Variants in FAM120A observed in about 807,000 individuals in gnomAD.
FAM120A encodes family with sequence similarity 120 member A, also known as constitutive coactivator of PPAR-gamma-like protein 1.
A neutral mutation model predicts 109.7 loss-of-function variants in FAM120A; 15 were observed. The observed-to-expected ratio is 0.14, with a 90% confidence interval of 0.09 to 0.21. The LOEUF is 0.21. Ranked by LOEUF, FAM120A falls within the 10% of genes least tolerant of loss-of-function variation. FAM120A has a pLI of 1.00. For missense variants in FAM120A, 899 were observed against 1,439.3 expected (o/e 0.62, Z 6.07); for synonymous variants, 493 against 572.8 (o/e 0.86, Z 1.99).
chr9:93,545,701 A>G (rs578193097), intron 11 of FAM120A, among the ~76,000 whole-genome samples: 7 of 151,640 alleles, frequency 4.6e-5, no homozygotes, highest in Non-Finnish European at 1.0e-4. Context: ...GGAAGATTCA[A>G]TTAAATGGAG....
At chr9:93,557,092 C>T (rs1862307448) in intron 13 of FAM120A, among the ~76,000 whole-genome samples, 1 of 151,546 alleles carries the variant, frequency 6.6e-6, no homozygotes. Context: ...TTCAGCACTA[C>T]ACTTGGAGAC....
At chr9:93,562,665 CTTTTTTTTT>C (rs535421624) in intron 17 of FAM120A, among the ~76,000 whole-genome samples, 2 of 134,990 alleles carry the variant, frequency 1.5e-5, no homozygotes, top group South Asian at 2.3e-4. Context: ...CTTTCTTTTT[CTTTTTTTTT>C]TTTTTTTTGA....
At chr9:93,481,731 CT>C (rs1255273317) in intron 3 of FAM120A, among the ~76,000 whole-genome samples, 1 of 152,182 alleles carries the variant, frequency 6.6e-6, no homozygotes, top group Non-Finnish European at 1.5e-5. Context: ...AGCAGTTCTA[CT>C]TTCTAGTTAG....
chr9:93,455,726 G>C (rs1249594958), intron 1 of FAM120A, among the ~76,000 whole-genome samples: 1 of 151,668 alleles, frequency 6.6e-6, no homozygotes, highest in East Asian at 1.9e-4. Flanking sequence ...GCAGTGGCGC[G>C]ATCTCGGCTC....
intron 1 of FAM120A, among the ~76,000 whole-genome samples, chr9:93,465,798 C>T (rs1354327504): frequency 2.6e-5 from 4 of 152,068 alleles, no homozygotes; most frequent in East Asian, 3.8e-4. Flanking sequence ...TTTTCTGTTC[C>T]GGGACCCTGG....
chr9:93,553,375 A>G (rs542329272), intron 12 of FAM120A, among the ~76,000 whole-genome samples: 1 of 152,372 alleles, frequency 6.6e-6, no homozygotes, highest in South Asian at 2.1e-4. Flanking sequence ...TGGAAAATGA[A>G]GAGCTTTAAA....
chr9:93,486,848 T>A (rs1293618308), intron 3 of FAM120A, among the ~76,000 whole-genome samples: 1 of 152,214 alleles, frequency 6.6e-6, no homozygotes, highest in East Asian at 1.9e-4. Flanking sequence ...CTTAGCTTTT[T>A]GAGGAACCAC....
In FAM120A at chr9:93,561,127, C is replaced by T. The variant is rs777267013; in HGVS notation, c.2825C>T (p.Ser942Phe). 3 of 1,613,802 alleles carry T rather than the reference C, an allele frequency of 1.9e-6. No homozygotes were observed. Among genetic ancestry groups the T allele is most frequent in the East Asian group, 2.2e-5 (1 of 44,880 alleles). The change falls in exon 16 of 18, where the codon TCT becomes TTT. Residue 942 changes from serine (S) to phenylalanine (F), a missense_variant. Physicochemically the swap from Ser to Phe is radical, Grantham distance 155. This residue lies in a region of FAM120A where 129 missense variants were observed against 153.4 expected (regional missense o/e 0.84). Coordinates refer to ENST00000277165, the MANE Select transcript of FAM120A (RefSeq NM_014612.5). Reference protein sequence around the residue: ...KSQGGVQPIPSQGGKLEIAGT... With the variant: ...KSQGGVQPIPFQGGKLEIAGT... ...TATGCAGGAGTCCAACCTATACCTT[C>T]TCAGGGAGGCAAACTAGAAATAGCT...
intron 3 of FAM120A, among the ~76,000 whole-genome samples, chr9:93,490,349 G>T (rs377486217): frequency 6.6e-6 from 1 of 152,176 alleles, no homozygotes; most frequent in South Asian, 2.1e-4. Context: ...GTTTTGTATG[G>T]TATATTTAAT....
At chr9:93,493,995 A>G (rs1859458929) in intron 3 of FAM120A, among the ~76,000 whole-genome samples, 1 of 152,166 alleles carries the variant, frequency 6.6e-6, no homozygotes, top group South Asian at 2.1e-4. Context: ...TAGCGGTTGC[A>G]GGTCTGACAC....
At chr9:93,482,222 C>G (rs2131297953) in intron 3 of FAM120A, among the ~76,000 whole-genome samples, 1 of 129,548 alleles carries the variant, frequency 7.7e-6, no homozygotes, top group South Asian at 2.3e-4. Flanking sequence ...GAGTTTTGCT[C>G]CCTTGCCCAG....
chr9:93,530,846 G>C (rs1197750661), intron 9 of FAM120A: 2 of 152,160 alleles, frequency 1.3e-5, no homozygotes, highest in African/African-American at 4.8e-5. Flanking sequence ...TTCCTCGTGG[G>C]GCTGTTTGAA....
At chr9:93,542,457 A>G (rs1861738074) in intron 10 of FAM120A, among the ~76,000 whole-genome samples, 1 of 152,198 alleles carries the variant, frequency 6.6e-6, no homozygotes, top group Non-Finnish European at 1.5e-5. Context: ...AAGTGGGAAA[A>G]TGTGCATGTT....
At chr9:93,527,796 T>C (rs969607537) in intron 8 of FAM120A, among the ~76,000 whole-genome samples, 1 of 151,748 alleles carries the variant, frequency 6.6e-6, no homozygotes, top group Admixed American at 6.6e-5. Context: ...CTAATTTTTG[T>C]ATTTTTAGTA....
rs145397497 is a variant in FAM120A at position 93,480,510 on chromosome 9, C to T, written c.804+4172C>T. On this transcript the variant is annotated intron_variant, in intron 3 of 17. Transcript: ENST00000277165. The stretch of plus-strand genomic sequence containing the variant: ...GGCCAGGATGGGTAAAACCCCAGGG[C>T]TGCACAGACACCCAAGCCTGAGGCT... 2.6e-5 allele frequency among the ~76,000 whole-genome samples: 4 copies of T among 152,206 alleles called. No homozygotes were observed. In the East Asian group the frequency reaches 7.8e-4, roughly 30 times the overall value.
intron 12 of FAM120A, among the ~76,000 whole-genome samples, chr9:93,555,617 C>T (rs1015135731): frequency 1.3e-5 from 2 of 152,214 alleles, no homozygotes; most frequent in Non-Finnish European, 2.9e-5. Flanking sequence ...CAAGAGTTGA[C>T]TGTACTCGTG....
chr9:93,458,391 C>A (rs761102813), intron 1 of FAM120A, among the ~76,000 whole-genome samples: 1 of 152,054 alleles, frequency 6.6e-6, no homozygotes, highest in Non-Finnish European at 1.5e-5. Context: ...ACTTCATGAT[C>A]ATTCACTTCA....
chr9:93,477,981 G>A (rs1423771945), intron 3 of FAM120A, among the ~76,000 whole-genome samples: 2 of 152,176 alleles, frequency 1.3e-5, no homozygotes, highest in African/African-American at 4.8e-5. Flanking sequence ...TTGCCATAAA[G>A]TATATGTCTG....
At chr9:93,533,449 G>A (rs902534157) in intron 10 of FAM120A, among the ~76,000 whole-genome samples, 2 of 152,256 alleles carry the variant, frequency 1.3e-5, no homozygotes, top group South Asian at 4.1e-4. Flanking sequence ...GGTGATGCTC[G>A]CTCTGCAGGG....
Sources: gnomAD v4.1 joint callset for allele counts (sites outside exome capture counted in the v4.1 genomes callset) on GRCh38, gnomAD v4.1.1 for gene constraint, gnomAD v4.1.1 regional missense constraint, MANE v1.5 for transcripts, NCBI Gene and HGNC (gene_info 2026-07-23, HGNC 2026-07-21) for gene names.